GAS2L3: variants seen among roughly 807,000 people sequenced by gnomAD.
GAS2L3 encodes the protein growth arrest specific 2 like 3.
In GAS2L3, 28 loss-of-function variants were observed where a neutral mutation model predicts 37.0. The observed-to-expected ratio is 0.76, with a 90% CI of 0.56 to 1.04. GAS2L3 has a LOEUF of 1.04. Among genes scored for constraint, GAS2L3 ranks in the 50% least tolerant of loss-of-function variants. The pLI is 0.00. For missense variants in GAS2L3, 793 were observed against 817.6 expected, an observed-to-expected ratio of 0.97 and a Z score of 0.37; for synonymous variants, 290 against 296.6, an observed-to-expected ratio of 0.98 and a Z score of 0.23.
At chr12:100,604,019 T>G (rs1956025185) in intron 5 of GAS2L3, among the ~76,000 whole-genome samples, 1 of 151,710 alleles carries the variant, frequency 6.6e-6, no homozygotes, top group Non-Finnish European at 1.5e-5. Context: ...CATACTGTTT[T>G]GGTTGAAGTC....
At chr12:100,579,697 T>C in intron 1 of GAS2L3, 1 of 776,086 alleles carries the variant, frequency 1.3e-6, no homozygotes, top group Non-Finnish European at 2.4e-6. Flanking sequence ...ATGGCGATCA[T>C]GGAAGCAGCC....
chr12:100,609,810 G>T (rs1191681591), intron 5 of GAS2L3, among the ~76,000 whole-genome samples: 5 of 152,154 alleles, frequency 3.3e-5, no homozygotes, highest in Admixed American at 6.5e-5. Flanking sequence ...GCCTGGTTCT[G>T]CCTTCTGCTG....
Position 100,600,404 on chromosome 12 carries a change from C to T in GAS2L3, c.41C>T (p.Pro14Leu), listed in dbSNP as rs1406577817. The T allele has an allele frequency of 6.2e-7, 1 of 1,600,194 alleles. No homozygotes were observed. Among genetic ancestry groups the T allele is most frequent in the Non-Finnish European group, 8.5e-7 (1 of 1,175,642 alleles). ...TAGGTATGGTTTGGAGAAGATCTGC[C>T]TCTAAGTCCTCGGAGTCCTCTGACT... ...AIQVWFGEDL[P>L]LSPRSPLTPR... Residue 14 changes from proline (P) to leucine (L), a missense_variant, in exon 4 of 10, where the codon CCT becomes CTT. Transcript: ENST00000547754.
At chr12:100,595,682 T>A (rs956658513) in intron 3 of GAS2L3, among the ~76,000 whole-genome samples, 4 of 152,014 alleles carry the variant, frequency 2.6e-5, no homozygotes, top group Admixed American at 6.6e-5. Context: ...ATCCTAGTTC[T>A]GCCCCTTTGA....
intron 6 of GAS2L3, among the ~76,000 whole-genome samples, chr12:100,615,365 A>G (rs745477227): frequency 6.6e-6 from 1 of 152,038 alleles, no homozygotes; most frequent in Admixed American, 6.6e-5. Flanking sequence ...CTTTTTGTCA[A>G]CTTGCAAGAA....
chr12:100,576,139 T>C (rs1593154035), intron 1 of GAS2L3, among the ~76,000 whole-genome samples: 1 of 152,330 alleles, frequency 6.6e-6, no homozygotes, highest in South Asian at 2.1e-4. Flanking sequence ...TCCTAATTTA[T>C]ATTTTGATAA....
At chr12:100,591,350 A>G (rs1168637828) in intron 1 of GAS2L3, among the ~76,000 whole-genome samples, 1 of 152,180 alleles carries the variant, frequency 6.6e-6, no homozygotes, top group Non-Finnish European at 1.5e-5. Flanking sequence ...AGACAGGTTG[A>G]AGGGAATGAA....
chr12:100,578,638 G>A, intron 1 of GAS2L3: 1 of 259,292 alleles, frequency 3.9e-6, no homozygotes, highest in Non-Finnish European at 7.2e-6. Context: ...TGTATTGGCG[G>A]CAGCCGTGGG....
chr12:100,584,664 C>T lies in GAS2L3; in HGVS notation c.-151-7072C>T, dbSNP rs1018182673. On this transcript the variant is annotated intron_variant, in intron 1 of 9. Coordinates refer to ENST00000547754, the MANE Select transcript of GAS2L3 (RefSeq NM_174942.3). ...TCTAGGTTCACTGCAACCTCCGCAT[C>T]CCAGGTTCAAGCAATTCTTCTGCCT... is the stretch of plus-strand genomic sequence containing the variant. Among the ~76,000 whole-genome samples, 3 of 151,898 alleles carry T rather than the reference C, an allele frequency of 2.0e-5. No homozygotes were observed. The South Asian group carries it at 6.2e-4, about 32-fold the overall frequency.
Position 100,623,546 on chromosome 12 carries a change from T to A in GAS2L3, c.757-16T>A. ...ACAGTATTACAGCTTTACTTTTTGT[T>A]TTCCTTTGGGGGCAGATGCTTCATG... On this transcript the variant is annotated splice_polypyrimidine_tract_variant and intron_variant, in intron 9 of 9. Coordinates refer to ENST00000547754, the MANE Select transcript of GAS2L3 (RefSeq NM_174942.3). 1 of 1,571,796 alleles carries A rather than the reference T, an allele frequency of 6.4e-7. No homozygotes were observed. Among genetic ancestry groups the A allele is most frequent in the South Asian group, 1.2e-5 (1 of 83,686 alleles).
In GAS2L3 at chr12:100,623,956, A is replaced by G. The variant is rs750985955; in HGVS notation, c.1151A>G (p.Lys384Arg). The G allele has an allele frequency of 6.2e-7, 1 of 1,614,098 alleles. No individual in the cohort carries two copies. The highest frequency in any genetic ancestry group is 1.1e-5 in the South Asian group (1 of 91,076). Reference sequence around the variant, plus strand: ...TCTCCAGCAGCATCTTCTCATCCCAAGCTCAAGTCTTCAAAAGGCATAACG... The same window carrying G: ...TCTCCAGCAGCATCTTCTCATCCCAGGCTCAAGTCTTCAAAAGGCATAACG... ...PNSPAASSHP[K>R]LKSSKGITKK... Residue 384 changes from lysine (K) to arginine (R), a missense_variant, in exon 10 of 10, where the codon AAG becomes AGG. Transcript: ENST00000547754.
At chr12:100,577,221 G>A (rs986032301) in intron 1 of GAS2L3, among the ~76,000 whole-genome samples, 1 of 152,162 alleles carries the variant, frequency 6.6e-6, no homozygotes, top group Non-Finnish European at 1.5e-5. Context: ...GTGGTTAAAT[G>A]AGTCTACTGT....
chr12:100,578,987 TA>T, intron 1 of GAS2L3: 1 of 881,192 alleles, frequency 1.1e-6, no homozygotes, highest in South Asian at 1.4e-5. Context: ...AGGCATCCGT[TA>T]CCTCACTAAT....
intron 5 of GAS2L3, among the ~76,000 whole-genome samples, chr12:100,604,658 T>A (rs989044300): frequency 1.3e-5 from 2 of 152,028 alleles, no homozygotes; most frequent in Non-Finnish European, 2.9e-5. Flanking sequence ...AAAGTGGGCA[T>A]CCTTGTTGTG....
chr12:100,579,565 C>T (rs991652182), intron 1 of GAS2L3: 14 of 772,948 alleles, frequency 1.8e-5, no homozygotes, highest in South Asian at 2.7e-5. Context: ...CAAGAAGTTC[C>T]GGAAAGATAC....
chr12:100,578,401 G>A (rs1955664861), intron 1 of GAS2L3, among the ~76,000 whole-genome samples: 1 of 152,182 alleles, frequency 6.6e-6, no homozygotes, highest in Non-Finnish European at 1.5e-5. Flanking sequence ...ACAAAGGCAG[G>A]ACCATTTGAT....
intron 1 of GAS2L3, among the ~76,000 whole-genome samples, chr12:100,587,116 AG>A (rs796756982): frequency 2.8e-4 from 42 of 152,318 alleles, no homozygotes; most frequent in African/African-American, 8.7e-4. Flanking sequence ...GTCCAGGACA[AG>A]ATAGATTCAC....
chr12:100,601,367 A>C (rs1022337727), intron 4 of GAS2L3, among the ~76,000 whole-genome samples: 1 of 152,104 alleles, frequency 6.6e-6, no homozygotes, highest in Non-Finnish European at 1.5e-5. Context: ...TGTGCAAGGA[A>C]TATTAATATG....
chr12:100,608,757 C>T (rs902087789), intron 5 of GAS2L3, among the ~76,000 whole-genome samples: 31 of 152,176 alleles, frequency 2.0e-4, no homozygotes, highest in Non-Finnish European at 3.4e-4. Context: ...GTGATCCGCC[C>T]GCCTCGGCCT....
Sources: allele counts gnomAD v4.1 joint callset (sites outside exome capture counted in the v4.1 genomes callset), GRCh38; gene constraint gnomAD v4.1.1; transcripts MANE v1.5; gene names NCBI Gene and HGNC (gene_info 2026-07-23, HGNC 2026-07-21).